The following FUT8 variants were observed in gnomAD, a reference collection of about 807,000 sequenced individuals.
FUT8 encodes the protein alpha-(1,6)-fucosyltransferase.
A neutral mutation model predicts 71.3 loss-of-function variants in FUT8; 29 were observed. The ratio of observed to expected loss-of-function variants is 0.41; its 90% CI spans 0.30 to 0.55. The LOEUF (loss-of-function observed/expected upper bound fraction) is 0.55, where lower values mean the gene tolerates loss of function less well. Ranked by LOEUF, FUT8 falls within the 20% of genes least tolerant of loss-of-function variation. The pLI, the probability that FUT8 is intolerant of heterozygous loss-of-function variation, is 0.34. For missense variants in FUT8, 544 were observed against 702.1 expected (o/e 0.77, Z 2.55); for synonymous variants, 254 against 239.3 (o/e 1.06, Z -0.57).
chr14:65,678,600 C>A (rs2268959), intron 7 of FUT8, among the ~76,000 whole-genome samples: 20,840 of 152,062 alleles, frequency 0.14, 1,932 homozygotes, highest in South Asian at 0.27. Flanking sequence ...ACCATTTTGT[C>A]TTGGAGCTCT....
Position 65,521,380 on chromosome 14 carries a change from ACT to A in FUT8, c.-227-39955_-227-39954del, listed in dbSNP as rs145758983. On this transcript the variant is annotated intron_variant, in intron 2 of 10. Coordinates refer to ENST00000673929, the MANE Select transcript of FUT8 (RefSeq NM_001371533.1). ...ATGAAATTAATGGCTTCTTTTATACACTCACAATATTTATACTTTTCTTTAAG... is the reference window on the plus strand; with the variant it reads ...ATGAAATTAATGGCTTCTTTTATACACACAATATTTATACTTTTCTTTAAG... 4.4e-3 allele frequency among the ~76,000 whole-genome samples: 661 copies of A among 151,456 alleles called. 3 individuals carry two copies. Among genetic ancestry groups the A allele is most frequent in the Non-Finnish European group, 6.3e-3 (430 of 67,996 alleles).
chr14:65,677,316 T>G (rs1411833458), intron 7 of FUT8, among the ~76,000 whole-genome samples: 1 of 152,116 alleles, frequency 6.6e-6, no homozygotes, highest in Non-Finnish European at 1.5e-5. Context: ...TTTCTTTTGT[T>G]TTGCTTCCCC....
intron 6 of FUT8, among the ~76,000 whole-genome samples, chr14:65,644,462 C>G (rs931621861): frequency 3.9e-5 from 6 of 152,074 alleles, no homozygotes; most frequent in African/African-American, 1.2e-4. Context: ...CGGGTTCACG[C>G]CATTCTCCTG....
At chr14:65,438,994 A>G (rs1051173092) in intron 1 of FUT8, among the ~76,000 whole-genome samples, 1 of 152,220 alleles carries the variant, frequency 6.6e-6, no homozygotes, top group East Asian at 1.9e-4. Flanking sequence ...CTAAAGAACG[A>G]TGTGTCCATT....
chr14:65,593,079 C>T (rs918265372), intron 3 of FUT8, among the ~76,000 whole-genome samples: 1 of 152,100 alleles, frequency 6.6e-6, no homozygotes, highest in African/African-American at 2.4e-5. Context: ...TTGGTCAGTC[C>T]TTCTAGGCTC....
intron 6 of FUT8, among the ~76,000 whole-genome samples, chr14:65,653,903 A>G (rs1279849221): frequency 1.2e-4 from 19 of 152,252 alleles, no homozygotes; most frequent in Admixed American, 1.2e-3. Flanking sequence ...CGAAGTGAGA[A>G]AAAGACATTT....
At chr14:65,561,897 C>A in intron 3 of FUT8, 131 bp downstream of exon 3, 1 of 739,582 alleles carries the variant, frequency 1.4e-6, no homozygotes, top group Non-Finnish European at 2.2e-6. Context: ...CTTAGCATGA[C>A]AGTTTTCTAT....
intron 2 of FUT8, among the ~76,000 whole-genome samples, chr14:65,485,634 C>A (rs1383906962): frequency 6.6e-6 from 1 of 152,320 alleles, no homozygotes; most frequent in South Asian, 2.1e-4. Context: ...GTAGTTGTCT[C>A]ACACTTTGAG....
chr14:65,630,833 T>C (rs1005758210), intron 6 of FUT8, among the ~76,000 whole-genome samples: 1 of 152,210 alleles, frequency 6.6e-6, no homozygotes, highest in African/African-American at 2.4e-5. Flanking sequence ...TGTTTGAAGT[T>C]GAAATGACCT....
intron 2 of FUT8, among the ~76,000 whole-genome samples, chr14:65,512,059 A>G (rs1430818843): frequency 2.0e-5 from 3 of 152,354 alleles, no homozygotes; most frequent in African/African-American, 4.8e-5. Context: ...TCTAGGCTAC[A>G]AGCCTGTACA....
intron 6 of FUT8, among the ~76,000 whole-genome samples, chr14:65,648,370 C>T (rs1891211314): frequency 6.6e-6 from 1 of 152,170 alleles, no homozygotes; most frequent in African/African-American, 2.4e-5. Context: ...TTCCAGGTGT[C>T]AGCTTTCTGA....
intron 2 of FUT8, among the ~76,000 whole-genome samples, chr14:65,554,229 G>A (rs900718055): frequency 1.3e-5 from 2 of 151,598 alleles, no homozygotes; most frequent in African/African-American, 4.8e-5. Context: ...AGTCCATTTA[G>A]CATTTCTTCT....
intron 2 of FUT8, among the ~76,000 whole-genome samples, chr14:65,464,978 A>C (rs1421082292): frequency 6.6e-6 from 1 of 152,106 alleles, no homozygotes; most frequent in African/African-American, 2.4e-5. Flanking sequence ...GAAGATTATT[A>C]ATTATTTATT....
intron 7 of FUT8, among the ~76,000 whole-genome samples, chr14:65,687,152 G>A (rs774853042): frequency 2.8e-4 from 42 of 151,450 alleles, no homozygotes; most frequent in Non-Finnish European, 6.0e-4. Flanking sequence ...CCAGTTACTA[G>A]GTAAATCATT....
rs1308652354 is a variant in FUT8, at chr14:65,678,628, AAG to A, written c.835+9152_835+9153del. On this transcript the variant is annotated intron_variant, in intron 7 of 10. Transcript: ENST00000673929. ...GGAGCTCTAATATGTATATAATACTAAGAGAAGCAAAAATAGGCCCCTGTGAA... is the reference window on the plus strand; with the variant it reads ...GGAGCTCTAATATGTATATAATACTAAGAAGCAAAAATAGGCCCCTGTGAA... 1.3e-5 allele frequency among the ~76,000 whole-genome samples: 2 copies of A among 152,226 alleles called. 1 individual carries two copies. The highest frequency in any genetic ancestry group is 4.8e-5 in the African/African-American group (2 of 41,456).
At chr14:65,364,392 G>A in the FUT8 span, among the ~76,000 whole-genome samples, 14 of 152,066 alleles carry the variant, frequency 9.2e-5, no homozygotes, top group Middle Eastern at 3.4e-3. Flanking sequence ...TAGTAGAGAC[G>A]GGGTTTCACC....
chr14:65,532,594 GT>G (rs1251687227), intron 2 of FUT8, among the ~76,000 whole-genome samples: 2 of 152,056 alleles, frequency 1.3e-5, no homozygotes, highest in African/African-American at 4.8e-5. Flanking sequence ...TAGGTTGTTT[GT>G]TTTCTCTGTC....
chr14:65,517,317 G>A (rs1033383977), intron 2 of FUT8, among the ~76,000 whole-genome samples: 1 of 151,984 alleles, frequency 6.6e-6, no homozygotes, highest in Non-Finnish European at 1.5e-5. Context: ...TGAATACCTT[G>A]TATATTGTAA....
At chr14:65,442,211 C>T (rs1271261173) in intron 1 of FUT8, among the ~76,000 whole-genome samples, 4 of 149,568 alleles carry the variant, frequency 2.7e-5, no homozygotes, top group East Asian at 3.9e-4. Flanking sequence ...GAGTCTTGCT[C>T]TGTTGCCAGG....
Sources: allele counts gnomAD v4.1 joint callset (sites outside exome capture counted in the v4.1 genomes callset), GRCh38; gene constraint gnomAD v4.1.1; transcripts MANE v1.5; gene names NCBI Gene and HGNC (gene_info 2026-07-23, HGNC 2026-07-21).